Variants in METTL14 observed in about 807,000 individuals in gnomAD.
The protein encoded by METTL14 is methyltransferase 14, N6-adenosine-methyltransferase non-catalytic subunit, also known as N(6)-adenosine-methyltransferase non-catalytic subunit METTL14.
In METTL14, 32 loss-of-function variants were observed where a neutral mutation model predicts 62.4. That is an observed-to-expected ratio of 0.51 (90% CI 0.39 to 0.69). METTL14 has a LOEUF of 0.69. Ranked by LOEUF, METTL14 falls within the 30% of genes least tolerant of loss-of-function variation. The pLI is 0.00. For missense variants in METTL14, 340 were observed against 551.9 expected, an observed-to-expected ratio of 0.62 and a Z score of 3.85; for synonymous variants, 150 against 180.0, an observed-to-expected ratio of 0.83 and a Z score of 1.34.
At chr4:118,700,765 T>A in intron 8 of METTL14, 123 bp downstream of exon 8, 1 of 630,362 alleles carries the variant, frequency 1.6e-6, no homozygotes, top group Non-Finnish European at 2.6e-6. Context: ...AATTCTAAAA[T>A]AGTGAGAAAA....
In METTL14 at chr4:118,685,422, C is replaced by T. The variant is rs17050450; in HGVS notation, c.-113C>T. The T allele has an allele frequency of 1.1e-4, 119 of 1,075,252 alleles. No homozygotes were observed. The highest frequency in any genetic ancestry group is 4.5e-4 in the South Asian group (35 of 77,168). The allele number at this position is 1,075,252 out of a possible 1,614,324, so 66.6% of individuals were successfully genotyped here. On this transcript the variant is annotated 5_prime_UTR_variant, in exon 1 of 11. Coordinates refer to ENST00000388822, the MANE Select transcript of METTL14 (RefSeq NM_020961.4). ...TCTACTGAGGAAAGCTATGAGGATACTCTGTTCGTAAGCTCCCGGTGAATT... is the reference window on the plus strand; with the variant it reads ...TCTACTGAGGAAAGCTATGAGGATATTCTGTTCGTAAGCTCCCGGTGAATT...
chr4:118,696,997 GA>G (rs1369968081), intron 6 of METTL14, among the ~76,000 whole-genome samples, 184 bp from the exon 7 acceptor site: 2 of 151,852 alleles, frequency 1.3e-5, no homozygotes, highest in Admixed American at 6.6e-5. Flanking sequence ...CTATACTGAA[GA>G]AAAAAAGACT....
intron 1 of METTL14, among the ~76,000 whole-genome samples, chr4:118,686,316 T>C (rs1644752440): frequency 6.6e-6 from 1 of 152,232 alleles, no homozygotes; most frequent in African/African-American, 2.4e-5. Context: ...TTCTTGTGTA[T>C]GAGTAAGTTA....
chr4:118,709,479 T>TAA (rs11398154), intron 10 of METTL14, among the ~76,000 whole-genome samples: 16 of 151,192 alleles, frequency 1.1e-4, no homozygotes, highest in South Asian at 6.2e-4. Flanking sequence ...ATTGACCTTG[T>TAA]AAAAAAAAAT....
rs775563699 is a variant in METTL14, at chr4:118,694,566, G to A, written c.503+40G>A. Reference sequence around the variant, plus strand: ...TCAATTACTGTTTATTCCCAACTCAGGCTTAAAGTATCAGTTTGTTTATCC... The same window carrying A: ...TCAATTACTGTTTATTCCCAACTCAAGCTTAAAGTATCAGTTTGTTTATCC... On this transcript the variant is annotated intron_variant, in intron 6 of 10. Coordinates refer to ENST00000388822, the MANE Select transcript of METTL14 (RefSeq NM_020961.4). The A allele has an allele frequency of 2.3e-5, 33 of 1,443,158 alleles. No individual in the cohort carries two copies. The South Asian group carries it at 2.8e-4, about 12-fold the overall frequency. 89.4% of individuals were successfully genotyped at this position (1,443,158 alleles called of 1,614,324 possible). A position where few individuals can be genotyped will look rare whatever the true frequency, so the allele number is the denominator to read the frequency against.
intron 2 of METTL14, 41 bp from the exon 3 acceptor site, chr4:118,689,329 C>G (rs770386157): frequency 9.3e-7 from 1 of 1,080,814 alleles, no homozygotes; most frequent in Non-Finnish European, 1.4e-6. Context: ...ATTTATACAT[C>G]TTGTATATAT....
At position 118,694,066 on chromosome 4, in the gene METTL14, A is replaced by ATT. The variant is rs397816626; in HGVS notation, c.413-355_413-354dup. 3.8e-3 allele frequency among the ~76,000 whole-genome samples: 518 copies of ATT among 136,706 alleles called. 5 individuals are homozygous for ATT. The highest frequency in any genetic ancestry group is 0.032 in the East Asian group (154 of 4,784). 89.7% of individuals were successfully genotyped at this position (136,706 alleles called of 152,430 possible). A position where few individuals can be genotyped will look rare whatever the true frequency, so the allele number is the denominator to read the frequency against. Reference sequence around the variant, plus strand: ...AACAATCAGGTTCTTTAGGATAAGGATTTTTTTTTTTTTTTTAGCTAAGAG... The same window carrying ATT: ...AACAATCAGGTTCTTTAGGATAAGGATTTTTTTTTTTTTTTTTTAGCTAAGAG... On this transcript the variant is annotated intron_variant, in intron 5 of 10. Coordinates refer to ENST00000388822, the MANE Select transcript of METTL14 (RefSeq NM_020961.4).
At chr4:118,698,993 C>A (rs1349055855) in intron 7 of METTL14, among the ~76,000 whole-genome samples, 1 of 151,872 alleles carries the variant, frequency 6.6e-6, no homozygotes, top group East Asian at 1.9e-4. Context: ...AATTTAAAAA[C>A]GAGTTGTTCA....
intron 10 of METTL14, 71 bp downstream of exon 10, chr4:118,705,892 T>G: frequency 8.3e-7 from 1 of 1,201,376 alleles, no homozygotes; most frequent in Non-Finnish European, 1.2e-6. Flanking sequence ...GACATGGTGC[T>G]GTGTAAAATA....
chr4:118,703,882 A>T, intron 8 of METTL14, 53 bp from the exon 9 acceptor site: 1 of 1,019,916 alleles, frequency 9.8e-7, no homozygotes, highest in Non-Finnish European at 1.4e-6. Flanking sequence ...ATTGTTAAGT[A>T]TTGTTTATTT....
intron 3 of METTL14, among the ~76,000 whole-genome samples, chr4:118,691,230 C>T (rs2110465709): frequency 6.6e-6 from 1 of 152,080 alleles, no homozygotes; most frequent in African/African-American, 2.4e-5. Context: ...GTGGTCGTAT[C>T]TTTCATGACT....
chr4:118,705,313 A>G (rs1009631602), intron 9 of METTL14, among the ~76,000 whole-genome samples: 7 of 152,060 alleles, frequency 4.6e-5, no homozygotes, highest in Non-Finnish European at 8.8e-5. Context: ...TGTCTTTACA[A>G]AAAATTTAAA....
chr4:118,694,368 T>G (rs1724341705), intron 5 of METTL14, 68 bp from the exon 6 acceptor site: 1 of 1,276,498 alleles, frequency 7.8e-7, no homozygotes. Context: ...GGAGGGCTCA[T>G]AACTTTTGAA....
At chr4:118,709,886 A>G in intron 10 of METTL14, 112 bp from the exon 11 acceptor site, 1 of 1,025,932 alleles carries the variant, frequency 9.7e-7, no homozygotes, top group Non-Finnish European at 1.4e-6. Context: ...TCAGTATTGG[A>G]TGAATGATGG....
At chr4:118,694,154 A>G (rs1724335719) in intron 5 of METTL14, among the ~76,000 whole-genome samples, 1 of 150,674 alleles carries the variant, frequency 6.6e-6, no homozygotes, top group Non-Finnish European at 1.5e-5. Flanking sequence ...TGAATGTTAA[A>G]CTGGATGCTA....
At chr4:118,691,885 T>C in intron 4 of METTL14, 96 bp from the exon 5 acceptor site, 1 of 781,264 alleles carries the variant, frequency 1.3e-6, no homozygotes. Context: ...ATCAATTGAT[T>C]GCATTTTATA....
Position 118,700,568 on chromosome 4 carries a change from G to C in METTL14, c.664G>C (p.Asp222His). 2 of 1,612,812 alleles carry C rather than the reference G, an allele frequency of 1.2e-6. No individual in the cohort carries two copies. ...TWDDIMKLEI[D>H]EIAAPRSFIF... Reference sequence around the variant, plus strand: ...CTTACAGATTATGAAGTTAGAAATTGATGAGATTGCAGCACCTCGATCATT... The same window carrying C: ...CTTACAGATTATGAAGTTAGAAATTCATGAGATTGCAGCACCTCGATCATT... The change falls in exon 8 of 11, where the codon GAT (aspartate) becomes CAT (histidine). Residue 222 changes from aspartate to histidine, a missense_variant. By Grantham distance (81) the Asp-to-His change is moderately conservative. Around this residue, in one of 7 missense-constraint regions of METTL14, gnomAD observed 58 missense variants for 147.5 expected, o/e 0.39. Transcript: ENST00000388822.
At chr4:118,706,764 TG>T (rs1222426424) in intron 10 of METTL14, among the ~76,000 whole-genome samples, 1 of 152,234 alleles carries the variant, frequency 6.6e-6, no homozygotes, top group African/African-American at 2.4e-5. Context: ...TTCAGGATTT[TG>T]GCAATTTTAG....
rs1188387862 is a variant in METTL14, at chr4:118,710,053, T to C, written c.1122T>C (p.Tyr374=). The part of the protein sequence containing the change: ...LTNSNYNAET[Y]ASYFSAPNSY... ...ATAGCAACTACAATGCAGAAACATA[T>C]GCATCCTATTTCAGTGCTCCTAATT... The change falls in exon 11 of 11, where the codon TAT becomes TAC. Residue 374 remains tyrosine (Y), a synonymous_variant. Transcript: ENST00000388822. 2 of 1,614,196 alleles carry C rather than the reference T, an allele frequency of 1.2e-6. No individual in the cohort carries two copies. Among genetic ancestry groups the C allele is most frequent in the Non-Finnish European group, 1.7e-6 (2 of 1,180,010 alleles).
Sources: allele counts gnomAD v4.1 joint callset (sites outside exome capture counted in the v4.1 genomes callset), GRCh38; gene constraint gnomAD v4.1.1; regional missense constraint gnomAD v4.1.1; transcripts MANE v1.5; gene names NCBI Gene and HGNC (gene_info 2026-07-23, HGNC 2026-07-21).